LRRTM4: variants seen among roughly 807,000 people sequenced by gnomAD.
LRRTM4 encodes leucine-rich repeat transmembrane neuronal protein 4.
LRRTM4 carries 25 observed loss-of-function variants against 47.6 expected under a neutral mutation model. That is an observed-to-expected ratio of 0.53 (90% CI 0.38 to 0.73). LRRTM4 has a LOEUF of 0.73. Ranked by LOEUF, LRRTM4 falls within the 30% of genes least tolerant of loss-of-function variation. The pLI is 0.00. For missense variants in LRRTM4, 638 were observed against 713.4 expected (o/e 0.89, Z 1.20); for synonymous variants, 311 against 269.5 (o/e 1.15, Z -1.51).
intron 3 of LRRTM4, among the ~76,000 whole-genome samples, chr2:77,003,385 T>C (rs1273408630): frequency 6.6e-6 from 1 of 152,148 alleles, no homozygotes; most frequent in East Asian, 1.9e-4. Context: ...TCACCTTGAA[T>C]TGTAATAATC....
intron 3 of LRRTM4, among the ~76,000 whole-genome samples, chr2:77,041,728 A>C (rs1046369528): frequency 6.7e-6 from 1 of 150,238 alleles, no homozygotes; most frequent in South Asian, 2.1e-4. Context: ...CACATCTTTT[A>C]CCCATTTTTA....
chr2:76,800,755 A>C (rs1351052738), intron 3 of LRRTM4, among the ~76,000 whole-genome samples: 2 of 106,930 alleles, frequency 1.9e-5, no homozygotes, highest in South Asian at 7.9e-4. Flanking sequence ...ACAAATTTAC[A>C]AGAAAAAAAC....
At chr2:77,361,948 G>A (rs1315341018) in intron 3 of LRRTM4, among the ~76,000 whole-genome samples, 1 of 151,922 alleles carries the variant, frequency 6.6e-6, no homozygotes, top group Non-Finnish European at 1.5e-5. Flanking sequence ...GGCTGGGCAT[G>A]GTGGCACATG....
At chr2:76,940,450 C>T (rs1675097428) in intron 3 of LRRTM4, among the ~76,000 whole-genome samples, 1 of 152,006 alleles carries the variant, frequency 6.6e-6, no homozygotes, top group South Asian at 2.1e-4. Flanking sequence ...AACACATGGA[C>T]ACATAGAGGG....
chr2:77,451,962 T>G (rs921326973), intron 3 of LRRTM4, among the ~76,000 whole-genome samples: 2 of 152,154 alleles, frequency 1.3e-5, no homozygotes, highest in African/African-American at 4.8e-5. Flanking sequence ...TACTAATGCT[T>G]CTGGTAACTA....
chr2:77,120,157 T>G (rs546900306), intron 3 of LRRTM4, among the ~76,000 whole-genome samples: 39 of 151,944 alleles, frequency 2.6e-4, no homozygotes, highest in Middle Eastern at 3.4e-3. Flanking sequence ...GAAAATGGTT[T>G]TTTTTGGAAG....
chr2:77,005,204 G>T lies in LRRTM4; in HGVS notation c.1552-256288C>A, dbSNP rs188872393. On this transcript the variant is annotated intron_variant, in intron 3 of 3. Coordinates refer to ENST00000409884, the MANE Select transcript of LRRTM4 (RefSeq NM_001134745.3). ...CTGTCACTCAGGCTGGAGTACAGTG[G>T]CATGATCTCAGCTCACTGCAACCTC... 1.1e-3 allele frequency among the ~76,000 whole-genome samples: 169 copies of T among 152,244 alleles called. 1 individual carries two copies. Among genetic ancestry groups the T allele is most frequent in the Middle Eastern group, 0.01 (3 of 294 alleles).
At chr2:76,796,903 G>A (rs1025605811) in intron 3 of LRRTM4, among the ~76,000 whole-genome samples, 2 of 152,026 alleles carry the variant, frequency 1.3e-5, no homozygotes, top group Non-Finnish European at 1.5e-5. Flanking sequence ...AGCGAGAAGG[G>A]AAGTTTAGAG....
intron 3 of LRRTM4, among the ~76,000 whole-genome samples, chr2:76,872,451 C>T (rs1036076955): frequency 6.6e-6 from 1 of 151,946 alleles, no homozygotes; most frequent in African/African-American, 2.4e-5. Flanking sequence ...CAGATAACAC[C>T]TCCAGGAAGC....
intron 3 of LRRTM4, among the ~76,000 whole-genome samples, chr2:77,186,567 T>TA (rs1673510838): frequency 6.6e-6 from 1 of 151,844 alleles, no homozygotes; most frequent in Non-Finnish European, 1.5e-5. Context: ...TCTCAAAAAA[T>TA]AAAAAATAAA....
chr2:77,232,457 T>C (rs1278442429), intron 3 of LRRTM4, among the ~76,000 whole-genome samples: 2 of 152,236 alleles, frequency 1.3e-5, no homozygotes, highest in East Asian at 1.9e-4. Flanking sequence ...ATACAAAATA[T>C]TGCCCTGTTT....
intron 3 of LRRTM4, among the ~76,000 whole-genome samples, chr2:77,336,289 C>T (rs1671166591): frequency 7.1e-6 from 1 of 141,042 alleles, no homozygotes; most frequent in Admixed American, 7.1e-5. Context: ...AGAAAGGAAA[C>T]AAGGAAGGAA....
At chr2:76,750,374 A>C (rs1031384332) in intron 3 of LRRTM4, among the ~76,000 whole-genome samples, 1 of 152,120 alleles carries the variant, frequency 6.6e-6, no homozygotes, top group African/African-American at 2.4e-5. Flanking sequence ...CAGCCCTGTA[A>C]GTTGTAGGGG....
chr2:76,834,797 G>A (rs2103908609), intron 3 of LRRTM4, among the ~76,000 whole-genome samples: 1 of 152,166 alleles, frequency 6.6e-6, no homozygotes, highest in Middle Eastern at 3.4e-3. Flanking sequence ...TTCACTCAAT[G>A]AAAATAGAAG....
At chr2:77,477,815 C>G (rs12998017) in intron 3 of LRRTM4, among the ~76,000 whole-genome samples, 82,573 of 133,314 alleles carry the variant, frequency 0.62, 25,914 homozygotes, top group Middle Eastern at 0.73. Flanking sequence ...CTCCAGCCTG[C>G]GCAACAAGGC....
At chr2:77,182,799 G>A (rs569333601) in intron 3 of LRRTM4, among the ~76,000 whole-genome samples, 49 of 152,040 alleles carry the variant, frequency 3.2e-4, no homozygotes, top group Non-Finnish European at 5.7e-4. Context: ...TATGATATTG[G>A]CTGTGACAAA....
chr2:77,518,548 A>G lies in LRRTM4; in HGVS notation c.1321T>C (p.Leu441=), dbSNP rs1475792466. The change falls in exon 3 of 4, where the codon TTG becomes CTG. Residue 441 remains leucine, a synonymous_variant. Transcript: ENST00000409884. ...CGTTTCCAAGACACATAGATCACCA[A>G]GAGGATCATGGCCACTGAGAGAAAG... ...ALFLSVAMIL[L]VIYVSWKRYP... 15 of 1,613,326 alleles carry G rather than the reference A, an allele frequency of 9.3e-6. No individual in the cohort carries two copies. In the Admixed American group the frequency reaches 1.5e-4, roughly 16 times the overall value.
intron 3 of LRRTM4, among the ~76,000 whole-genome samples, chr2:76,984,038 T>A (rs1419777804): frequency 1.3e-5 from 2 of 152,096 alleles, no homozygotes; most frequent in Non-Finnish European, 2.9e-5. Context: ...GTAATCATCA[T>A]CTGAATGAAG....
In LRRTM4 at chr2:77,375,703, G is replaced by A. The variant is rs565054252; in HGVS notation, c.1551+142615C>T. 4.6e-5 allele frequency among the ~76,000 whole-genome samples: 7 copies of A among 151,666 alleles called. No individual in the cohort carries two copies. In the South Asian group the frequency reaches 1.5e-3, roughly 32 times the overall value. On this transcript the variant is annotated intron_variant, in intron 3 of 3. Coordinates refer to ENST00000409884, the MANE Select transcript of LRRTM4 (RefSeq NM_001134745.3). ...AATCACGCAGTATTTCTCCTTCTCT[G>A]GCCTATAACATCCAGCATAATGTCA... is the stretch of plus-strand genomic sequence containing the variant.
Sources: gnomAD v4.1 joint callset for allele counts (sites outside exome capture counted in the v4.1 genomes callset) on GRCh38, gnomAD v4.1.1 for gene constraint, MANE v1.5 for transcripts, NCBI Gene and HGNC (gene_info 2026-07-23, HGNC 2026-07-21) for gene names.